Variants in CDCP2 observed in about 807,000 individuals in gnomAD.
CDCP2 encodes the protein CUB domain containing protein 2.
Under a neutral mutation model 31.0 loss-of-function variants are expected in CDCP2, and 31 were observed. That is an observed-to-expected ratio of 1.00 (90% confidence interval 0.75 to 1.35). CDCP2 has a LOEUF of 1.35. Among genes scored for constraint, CDCP2 ranks in the 40% most tolerant of loss-of-function variants. The pLI is 0.00. For missense variants in CDCP2, 443 were observed against 482.6 expected (o/e 0.92, Z 0.77); for synonymous variants, 206 against 207.9 (o/e 0.99, Z 0.08).
chr1:54,150,018 A>G (rs1459766349), intron 1 of CDCP2, among the ~76,000 whole-genome samples: 1 of 152,180 alleles, frequency 6.6e-6, no homozygotes, highest in Non-Finnish European at 1.5e-5. Context: ...CCTCTTTTAG[A>G]CACTGCTCCC....
intron 1 of CDCP2, among the ~76,000 whole-genome samples, chr1:54,148,971 A>ATATATATATATATATAT (rs201950247): frequency 1.5e-4 from 22 of 144,020 alleles, no homozygotes; most frequent in Middle Eastern, 3.6e-3. Context: ...TGTTTAAAAA[A>ATATATATATATATATAT]AAAATATATA....
intron 3 of CDCP2, 55 bp from the exon 4 acceptor site, chr1:54,140,161 ACT>A (rs1659340152): frequency 4.5e-6 from 7 of 1,541,504 alleles, no homozygotes; most frequent in Admixed American, 1.7e-5. Flanking sequence ...AGGAGAAGTC[ACT>A]CTCTGCAGTT....
upstream of CDCP2, chr1:54,152,933 G>A (rs1659609917): frequency 1.2e-6 from 2 of 1,613,682 alleles, no homozygotes; most frequent in Admixed American, 1.7e-5. Flanking sequence ...CTCCTCACCA[G>A]GGGCCCCCAC....
intron 1 of CDCP2, among the ~76,000 whole-genome samples, chr1:54,145,878 A>T (rs147961887): frequency 3.3e-4 from 51 of 152,340 alleles, no homozygotes; most frequent in Middle Eastern, 3.4e-3. Context: ...AACAAAGTTA[A>T]GTAACCCCTA....
exon 2 of CDCP2, chr1:54,144,532 T>A (rs1659427218): frequency 6.2e-7 from 1 of 1,611,606 alleles, no homozygotes; most frequent in Admixed American, 1.7e-5. Context: ...ATGACAGACA[T>A]GACATGCCAG....
chr1:54,133,922 C>CAAACAAAAAAAAA (rs58882302), intron 5 of CDCP2, among the ~76,000 whole-genome samples: 2 of 148,682 alleles, frequency 1.3e-5, no homozygotes, highest in Non-Finnish European at 3.0e-5. Context: ...ACAAAAAAAA[C>CAAACAAAAAAAAA]CCCATGTTAC....
intron 4 of CDCP2, 104 bp downstream of exon 4, chr1:54,139,649 G>T (rs895912721): frequency 1.2e-6 from 2 of 1,613,478 alleles, no homozygotes; most frequent in Admixed American, 1.7e-5. Flanking sequence ...CATTCATGGG[G>T]GGGGCAGGAC....
At chr1:54,133,584 T>G (rs975346238) in intron 5 of CDCP2, among the ~76,000 whole-genome samples, 1 of 152,086 alleles carries the variant, frequency 6.6e-6, no homozygotes, top group Non-Finnish European at 1.5e-5. Context: ...ACAACAATGT[T>G]CTCTTATTGG....
chr1:54,133,091 C>T (rs1463473164), exon 6 of CDCP2: 7 of 399,016 alleles, frequency 1.8e-5, no homozygotes, highest in African/African-American at 8.2e-5. Flanking sequence ...CCAGTGCCTC[C>T]GCCTCATCCA....
chr1:54,138,341 TG>T (rs1284612955), intron 4 of CDCP2: 1 of 152,216 alleles, frequency 6.6e-6, no homozygotes, highest in East Asian at 1.9e-4. Context: ...TCTCCAGGGC[TG>T]TGCTAACAGA....
At chr1:54,150,382 G>A (rs902376873) in intron 1 of CDCP2, among the ~76,000 whole-genome samples, 5 of 152,156 alleles carry the variant, frequency 3.3e-5, no homozygotes, top group East Asian at 1.9e-4. Context: ...ATCACCTGAG[G>A]TCAGGAGTTC....
chr1:54,150,926 T>C (rs9326026), intron 1 of CDCP2, among the ~76,000 whole-genome samples: 16,235 of 152,226 alleles, frequency 0.11, 1,004 homozygotes, highest in African/African-American at 0.17. Context: ...TGGGCCCCTC[T>C]GTGGGAAGCT....
exon 2 of CDCP2, chr1:54,144,676 G>T (rs947671874): frequency 6.2e-7 from 1 of 1,614,100 alleles, no homozygotes; most frequent in Non-Finnish European, 8.5e-7. Context: ...TCAAAGGCAT[G>T]GAAGGTGAGC....
chr1:54,144,676 G>A (rs947671874), exon 2 of CDCP2: 1 of 1,614,218 alleles, frequency 6.2e-7, no homozygotes, highest in Non-Finnish European at 8.5e-7. Context: ...TCAAAGGCAT[G>A]GAAGGTGAGC....
chr1:54,146,329 G>A (rs934530589), intron 1 of CDCP2, among the ~76,000 whole-genome samples: 14 of 151,392 alleles, frequency 9.2e-5, no homozygotes, highest in Non-Finnish European at 1.6e-4. Context: ...ACAGGTGCCC[G>A]CCACCACACC....
At chr1:54,151,631 G>A (rs923338869) in intron 1 of CDCP2, among the ~76,000 whole-genome samples, 4 of 152,154 alleles carry the variant, frequency 2.6e-5, no homozygotes, top group African/African-American at 9.7e-5. Flanking sequence ...GAGATGCTTG[G>A]GTGCCCATCC....
intron 5 of CDCP2, among the ~76,000 whole-genome samples, chr1:54,134,788 T>G (rs1432057445): frequency 6.6e-6 from 1 of 151,632 alleles, no homozygotes; most frequent in Non-Finnish European, 1.5e-5. Flanking sequence ...CAGGCTGGAG[T>G]GTAGTGGCAT....
chr1:54,141,551 AC>A, intron 2 of CDCP2, 118 bp from the exon 3 acceptor site: 1 of 855,452 alleles, frequency 1.2e-6, no homozygotes, highest in Non-Finnish European at 1.8e-6. Context: ...GGGCCTCATT[AC>A]CATCCAGCAA....
chr1:54,139,805 C>CAGCAGA lies in CDCP2; in HGVS notation c.1059_1064dup (p.Leu354_Leu355dup). On this transcript the variant is annotated inframe_insertion, in exon 4 of 6. Transcript: ENST00000530059. ...TGCGGGTGGTGCTGCGGTCTGTGTG[C>CAGCAGA]AGCAGAAGCAGAAGCTGGTTGTGGC... 3.1e-6 allele frequency: 5 copies of CAGCAGA among 1,614,182 alleles called. No homozygotes were observed. In the South Asian group the frequency reaches 5.5e-5, roughly 18 times the overall value.
Sources: gnomAD v4.1 joint callset for allele counts (sites outside exome capture counted in the v4.1 genomes callset) on GRCh38, gnomAD v4.1.1 for gene constraint, MANE v1.5 for transcripts, NCBI Gene and HGNC (gene_info 2026-07-23, HGNC 2026-07-21) for gene names.